TMC7: variants seen among roughly 807,000 people sequenced by gnomAD.
The protein encoded by TMC7 is transmembrane channel-like protein 7.
A neutral mutation model predicts 82.9 loss-of-function variants in TMC7; 54 were observed. The ratio of observed to expected loss-of-function variants is 0.65; its 90% CI spans 0.52 to 0.82. TMC7 has a LOEUF of 0.82. Among genes scored for constraint, TMC7 ranks in the 40% least tolerant of loss-of-function variants. The pLI is 0.00. For missense variants in TMC7, 820 were observed against 901.2 expected (o/e 0.91, Z 1.15); for synonymous variants, 350 against 337.9 (o/e 1.04, Z -0.39).
chr16:18,989,613 G>T (rs2038912618), intron 1 of TMC7, among the ~76,000 whole-genome samples: 1 of 137,812 alleles, frequency 7.3e-6, no homozygotes. Flanking sequence ...CACATACCAG[G>T]CCCTGGGGGT....
At chr16:19,026,906 C>T (rs183278116) in intron 5 of TMC7, among the ~76,000 whole-genome samples, 9 of 149,446 alleles carry the variant, frequency 6.0e-5, no homozygotes, top group East Asian at 2.0e-4. Context: ...GGGTTACAGG[C>T]GCCCACCACC....
rs2038799913 is a variant in TMC7, at chr16:18,984,135, GGCGGCAGGGAGC to G, written c.67+9_67+20del. On this transcript the variant is annotated splice_donor_region_variant and intron_variant, in intron 1 of 15. Coordinates refer to ENST00000304381, the MANE Select transcript of TMC7 (RefSeq NM_024847.4). ...GGCAGCCGGCGGTCCATCCAGGTAG[GGCGGCAGGGAGC>G]GCGCGCGGGGACGGTGCCCCTGGGG... 6.7e-7 allele frequency: 1 copy of G among 1,495,198 alleles called. No individual in the cohort carries two copies. Among genetic ancestry groups the G allele is most frequent in the African/African-American group, 1.5e-5 (1 of 68,802 alleles). The allele number at this position is 1,495,198 out of a possible 1,614,324, so 92.6% of individuals were successfully genotyped here.
At chr16:19,032,344 C>A (rs370670822) in intron 6 of TMC7, among the ~76,000 whole-genome samples, 1 of 152,028 alleles carries the variant, frequency 6.6e-6, no homozygotes, top group Admixed American at 6.6e-5. Context: ...AGCGTCCATC[C>A]CCCACCCAAG....
At chr16:18,992,486 T>G (rs2038969568) in intron 1 of TMC7, among the ~76,000 whole-genome samples, 1 of 152,244 alleles carries the variant, frequency 6.6e-6, no homozygotes, top group African/African-American at 2.4e-5. Context: ...CTTTGTAGAT[T>G]CCGGATATTA....
At chr16:19,004,095 G>T (rs562608067) in intron 1 of TMC7, among the ~76,000 whole-genome samples, 1 of 151,874 alleles carries the variant, frequency 6.6e-6, no homozygotes, top group South Asian at 2.1e-4. Context: ...GCTTACCTCT[G>T]CAGGTTGGCG....
At chr16:19,050,220 A>G (rs1461261572) in intron 12 of TMC7, among the ~76,000 whole-genome samples, 2 of 151,746 alleles carry the variant, frequency 1.3e-5, no homozygotes, top group Non-Finnish European at 2.9e-5. Context: ...AAATACAAAA[A>G]ATTAGCCGGG....
chr16:19,056,374 C>A (rs1002040119), intron 13 of TMC7, among the ~76,000 whole-genome samples, 168 bp from the exon 14 acceptor site: 2 of 152,154 alleles, frequency 1.3e-5, no homozygotes, highest in African/African-American at 4.8e-5. Flanking sequence ...TCGTGAGCCA[C>A]CGCGCCCAGC....
intron 13 of TMC7, among the ~76,000 whole-genome samples, chr16:19,055,583 C>T (rs1489594674): frequency 6.6e-6 from 1 of 152,196 alleles, no homozygotes; most frequent in Admixed American, 6.5e-5. Flanking sequence ...GCCTCCATCT[C>T]CTGACCTCAT....
chr16:19,001,075 TA>T (rs1448850969), intron 1 of TMC7, among the ~76,000 whole-genome samples: 4 of 152,216 alleles, frequency 2.6e-5, no homozygotes, highest in African/African-American at 9.7e-5. Context: ...ACATCATTCA[TA>T]TAGAGAAGAA....
intron 1 of TMC7, chr16:18,984,539 A>C: frequency 9.9e-7 from 1 of 1,012,338 alleles, no homozygotes; most frequent in Non-Finnish European, 1.2e-6. Flanking sequence ...GACCAACTTG[A>C]AACCGAATTC....
chr16:19,003,437 G>T (rs1231805589), intron 1 of TMC7, among the ~76,000 whole-genome samples: 1 of 149,674 alleles, frequency 6.7e-6, no homozygotes, highest in African/African-American at 2.5e-5. Context: ...CCGGCCAGCC[G>T]CCCCGTCCGG....
At chr16:19,054,870 A>G (rs1367852842) in intron 13 of TMC7, among the ~76,000 whole-genome samples, 1 of 148,160 alleles carries the variant, frequency 6.7e-6, no homozygotes, top group Non-Finnish European at 1.5e-5. Context: ...TCATCCTCCC[A>G]AGTAGCTGGG....
At chr16:19,052,131 C>G (rs758912110) in intron 13 of TMC7, among the ~76,000 whole-genome samples, 5 of 152,088 alleles carry the variant, frequency 3.3e-5, no homozygotes, top group African/African-American at 4.8e-5. Context: ...AGGGTTTCGC[C>G]ACGTTGGCCA....
chr16:19,056,094 C>CTTTCT (rs1961755745), intron 13 of TMC7, among the ~76,000 whole-genome samples: 2 of 145,868 alleles, frequency 1.4e-5, no homozygotes, highest in African/African-American at 5.0e-5. Flanking sequence ...TTCTTTCTTT[C>CTTTCT]TTTTTTTTTT....
At chr16:19,043,657 G>A (rs147315990) in intron 9 of TMC7, among the ~76,000 whole-genome samples, 59 of 152,112 alleles carry the variant, frequency 3.9e-4, no homozygotes, top group African/African-American at 1.3e-3. Context: ...CGCAACCTTC[G>A]CCTCCCAGGT....
At chr16:19,056,378 G>A (rs957933304) in intron 13 of TMC7, among the ~76,000 whole-genome samples, 164 bp from the exon 14 acceptor site, 3 of 152,118 alleles carry the variant, frequency 2.0e-5, no homozygotes, top group African/African-American at 4.8e-5. Context: ...GAGCCACCGC[G>A]CCCAGCCAGG....
intron 1 of TMC7, among the ~76,000 whole-genome samples, chr16:18,993,823 G>A (rs2038991802): frequency 6.6e-6 from 1 of 152,126 alleles, no homozygotes; most frequent in African/African-American, 2.4e-5. Flanking sequence ...AAGAGAGAGG[G>A]CCCGAGTTAA....
Position 19,016,898 on chromosome 16 carries a change from A to G in TMC7, c.460+300A>G, listed in dbSNP as rs533901345. On this transcript the variant is annotated intron_variant, in intron 3 of 15. Transcript: ENST00000304381. ...ACTAGATCTTGTTATTTAATGTGCT[A>G]GTGAAGACCAGGCGCAGTGGCTCAC... Among the ~76,000 whole-genome samples, 3 of 152,072 alleles carry G rather than the reference A, an allele frequency of 2.0e-5. 1 individual carries two copies. Among genetic ancestry groups the G allele is most frequent in the Non-Finnish European group, 4.4e-5 (3 of 67,982 alleles).
chr16:18,994,669 G>A (rs554392690), intron 1 of TMC7, among the ~76,000 whole-genome samples: 4 of 152,034 alleles, frequency 2.6e-5, no homozygotes, highest in Non-Finnish European at 5.9e-5. Context: ...GAGGATAGGA[G>A]AGTATATGGG....
Sources: allele counts gnomAD v4.1 joint callset (sites outside exome capture counted in the v4.1 genomes callset), GRCh38; gene constraint gnomAD v4.1.1; transcripts MANE v1.5; gene names NCBI Gene and HGNC (gene_info 2026-07-23, HGNC 2026-07-21).